The following MYO3A variants were observed in gnomAD, a reference collection of about 807,000 sequenced individuals.
The protein encoded by MYO3A is myosin IIIA, also known as myosin-IIIa.
MYO3A carries 180 observed loss-of-function variants against 192.7 expected under a neutral mutation model. That is an observed-to-expected ratio of 0.93 (90% CI 0.83 to 1.06). The LOEUF (loss-of-function observed/expected upper bound fraction) is 1.06. Among genes scored for constraint, MYO3A ranks in the 50% least tolerant of loss-of-function variants. MYO3A has a pLI of 0.00. For synonymous variants in MYO3A, 628 were observed against 645.3 expected, an observed-to-expected ratio of 0.97 and a Z score of 0.41; for missense variants, 1,896 against 1,905.0, an observed-to-expected ratio of 1.00 and a Z score of 0.09.
At chr10:26,192,074 G>A (rs1325695613) in intron 31 of MYO3A, among the ~76,000 whole-genome samples, 4 of 152,142 alleles carry the variant, frequency 2.6e-5, no homozygotes, top group Non-Finnish European at 5.9e-5. Context: ...GGTGGATGGG[G>A]TGGTCAAGAA....
At chr10:26,200,132 T>G (rs1843616911) in intron 32 of MYO3A, among the ~76,000 whole-genome samples, 1 of 152,156 alleles carries the variant, frequency 6.6e-6, no homozygotes, top group African/African-American at 2.4e-5. Flanking sequence ...CTGAATGGTC[T>G]CCTCCCAGAC....
chr10:26,002,194 T>G lies in MYO3A; in HGVS notation c.508+4936T>G, dbSNP rs146311109. 1.5e-3 allele frequency among the ~76,000 whole-genome samples: 236 copies of G among 152,326 alleles called. 5 individuals are homozygous for G. In the East Asian group the frequency reaches 0.024, roughly 16 times the overall value. On this transcript the variant is annotated intron_variant, in intron 6 of 34. Transcript: ENST00000642920. ...GTGTATCTAAGAGTAGATTCTGAAT[T>G]TTGACCAGTTACACACATGATACTT... is the stretch of plus-strand genomic sequence containing the variant.
intron 2 of MYO3A, among the ~76,000 whole-genome samples, chr10:25,941,059 A>G (rs1400616025): frequency 6.6e-6 from 1 of 152,238 alleles, no homozygotes; most frequent in Non-Finnish European, 1.5e-5. Context: ...TCAGTCAAGA[A>G]AACAGTTAAT....
At chr10:26,103,171 C>T (rs1837576940) in intron 17 of MYO3A, among the ~76,000 whole-genome samples, 1 of 152,226 alleles carries the variant, frequency 6.6e-6, no homozygotes, top group African/African-American at 2.4e-5. Flanking sequence ...GCTCTGTGGG[C>T]ATGGAACCCT....
chr10:26,070,215 G>A lies in MYO3A; in HGVS notation c.1275G>A (p.Gln425=), dbSNP rs77562287. Residue 425 remains glutamine (Q), a splice_region_variant and synonymous_variant, in exon 13 of 35, where the codon CAG becomes CAA. Coordinates refer to ENST00000642920, the MANE Select transcript of MYO3A (RefSeq NM_017433.5). ...YQSMITYNSD[Q]CIVISGESGA... ...CTATGATAACATATAATTCAGATCA[G>A]GTAAGAAGAGTCTCCCATTCTTAGA... 411 of 1,605,276 alleles carry A rather than the reference G, an allele frequency of 2.6e-4. 4 individuals are homozygous for A. In the African/African-American group the frequency reaches 5.0e-3, roughly 20 times the overall value.
chr10:25,939,976 A>C (rs1278707652), intron 2 of MYO3A, among the ~76,000 whole-genome samples: 2 of 152,056 alleles, frequency 1.3e-5, no homozygotes, highest in Non-Finnish European at 2.9e-5. Context: ...GCCTCTAATA[A>C]ATATTTTTGC....
At chr10:26,078,624 G>T (rs1234211968) in intron 14 of MYO3A, among the ~76,000 whole-genome samples, 2 of 151,862 alleles carry the variant, frequency 1.3e-5, no homozygotes, top group Admixed American at 1.3e-4. Context: ...TGTTCTTTCA[G>T]TTTTTTTGAT....
rs774591487 is a variant in MYO3A, at chr10:26,168,749, T to G, written c.3149T>G (p.Leu1050Arg). ...TATTATCACGTGGAGCAGTTAAATC[T>G]AATGCGAAAGGAAGCTATTGACAAG... is the stretch of plus-strand genomic sequence containing the variant. ...LKYYHVEQLN[L>R]MRKEAIDKLI... The change falls in exon 28 of 35, where the codon CTA (leucine) becomes CGA (arginine). Residue 1050 changes from leucine (L) to arginine (R), a missense_variant. Transcript: ENST00000642920. The G allele has an allele frequency of 6.2e-7, 1 of 1,613,396 alleles. No homozygotes were observed. Among genetic ancestry groups the G allele is most frequent in the Non-Finnish European group, 8.5e-7 (1 of 1,179,730 alleles).
intron 32 of MYO3A, among the ~76,000 whole-genome samples, chr10:26,196,978 A>G (rs999609724): frequency 3.9e-5 from 6 of 152,208 alleles, no homozygotes; most frequent in African/African-American, 1.4e-4. Flanking sequence ...TGAAATATAC[A>G]ATAGAGTACT....
intron 17 of MYO3A, among the ~76,000 whole-genome samples, chr10:26,102,153 T>G (rs996463700): frequency 6.6e-6 from 1 of 152,230 alleles, no homozygotes; most frequent in African/African-American, 2.4e-5. Flanking sequence ...CATTTGATCT[T>G]CAATCACTGA....
intron 2 of MYO3A, among the ~76,000 whole-genome samples, chr10:25,937,063 G>A (rs1350176325): frequency 6.6e-6 from 1 of 151,990 alleles, no homozygotes; most frequent in African/African-American, 2.4e-5. Flanking sequence ...TGTTTCTTTG[G>A]GTCAGCTCAG....
chr10:26,179,126 TTCACTC>T, intron 31 of MYO3A, among the ~76,000 whole-genome samples: 2 of 94,120 alleles, frequency 2.1e-5, no homozygotes, highest in African/African-American at 4.3e-5. Context: ...GAGACGGAGT[TTCACTC>T]TTGTTGTCCA....
intron 26 of MYO3A, among the ~76,000 whole-genome samples, chr10:26,159,426 C>G (rs1841366030): frequency 2.1e-5 from 3 of 145,522 alleles, no homozygotes; most frequent in Non-Finnish European, 4.5e-5. Flanking sequence ...GTGGCGCAAT[C>G]TTGGCTCACT....
chr10:26,090,067 G>A (rs1280605776), intron 15 of MYO3A, among the ~76,000 whole-genome samples: 3 of 152,148 alleles, frequency 2.0e-5, no homozygotes, highest in African/African-American at 7.2e-5. Flanking sequence ...GAAGGACCGC[G>A]GGATCTTAGC....
At position 26,096,606 on chromosome 10, in the gene MYO3A, T is replaced by A. The variant is rs1314661316; in HGVS notation, c.1700T>A (p.Ile567Asn). The change falls in exon 17 of 35, where the codon ATC becomes AAC. Residue 567 changes from isoleucine to asparagine, a missense_variant. Ile to Asn is a moderately radical substitution (Grantham distance 149, BLOSUM62 -3). Transcript: ENST00000642920. ...GACCACCTCAGAACAGTACAAGACA[T>A]CATGAATAATAGTTTCTATAAATCC... ...QNDHLRTVQD[I>N]MNNSFYKSQY... 3 of 1,605,874 alleles carry A rather than the reference T, an allele frequency of 1.9e-6. No individual in the cohort carries two copies. Among genetic ancestry groups the A allele is most frequent in the East Asian group, 2.2e-5 (1 of 44,766 alleles).
intron 2 of MYO3A, among the ~76,000 whole-genome samples, chr10:25,941,857 GTTTCCC>G (rs1836511736): frequency 6.6e-6 from 1 of 152,102 alleles, no homozygotes; most frequent in African/African-American, 2.4e-5. Context: ...ATCATATAAT[GTTTCCC>G]TTTGCGACTG....
At position 26,156,531 on chromosome 10, in the gene MYO3A, A is replaced by T. The variant is rs146002337; in HGVS notation, c.2794-779A>T. 1.5e-3 allele frequency among the ~76,000 whole-genome samples: 225 copies of T among 152,368 alleles called. 3 individuals are homozygous for T. Among genetic ancestry groups the T allele is most frequent in the African/African-American group, 5.0e-3 (210 of 41,586 alleles). On this transcript the variant is annotated intron_variant, in intron 25 of 34. Coordinates refer to ENST00000642920, the MANE Select transcript of MYO3A (RefSeq NM_017433.5). ...CATATCTATGTGAATTTTTTAAATT[A>T]TCCAAAAATAAATAAGAAAATGATC...
At chr10:25,991,112 A>G (rs902963948) in intron 4 of MYO3A, among the ~76,000 whole-genome samples, 79 of 152,284 alleles carry the variant, frequency 5.2e-4, no homozygotes, top group African/African-American at 1.8e-3. Flanking sequence ...TGGTTGAACT[A>G]GTTTACAGTC....
At chr10:25,954,079 T>C (rs575437172) in intron 3 of MYO3A, among the ~76,000 whole-genome samples, 3 of 152,246 alleles carry the variant, frequency 2.0e-5, no homozygotes, top group African/African-American at 4.8e-5. Context: ...GATTTTACAG[T>C]AACCAGCTCT....
Sources: gnomAD v4.1 joint callset for allele counts (sites outside exome capture counted in the v4.1 genomes callset) on GRCh38, gnomAD v4.1.1 for gene constraint, MANE v1.5 for transcripts, NCBI Gene and HGNC (gene_info 2026-07-23, HGNC 2026-07-21) for gene names.